The following TAF4 variants were observed in gnomAD, a reference collection of about 807,000 sequenced individuals.
TAF4 encodes TATA-box binding protein associated factor 4, also known as transcription initiation factor TFIID subunit 4.
Under a neutral mutation model 90.3 loss-of-function variants are expected in TAF4, and 9 were observed. The ratio of observed to expected loss-of-function variants is 0.10; its 90% confidence interval spans 0.06 to 0.17. The LOEUF (loss-of-function observed/expected upper bound fraction) is 0.17, where lower values mean the gene tolerates loss of function less well. Ranked by LOEUF, TAF4 falls within the 10% of genes least tolerant of loss-of-function variation. The probability of loss-of-function intolerance (pLI) is 1.00; values close to 1 mark genes in which losing one functional copy is unlikely to be tolerated. For missense variants in TAF4, 1,351 were observed against 1,370.7 expected, an observed-to-expected ratio of 0.99 and a Z score of 0.23; for synonymous variants, 818 against 638.9, an observed-to-expected ratio of 1.28 and a Z score of -4.23.
At chr20:61,992,204 G>A (rs940268572) in intron 14 of TAF4, among the ~76,000 whole-genome samples, 16 of 152,162 alleles carry the variant, frequency 1.1e-4, no homozygotes, top group African/African-American at 2.4e-4. Context: ...AAAACTCAAA[G>A]AGGGCGAAAG....
intron 1 of TAF4, among the ~76,000 whole-genome samples, chr20:62,027,939 C>T (rs540702184): frequency 6.6e-6 from 1 of 152,356 alleles, no homozygotes; most frequent in Non-Finnish European, 1.5e-5. Context: ...CTCACCTCGG[C>T]GGCCTAGGTC....
rs764311182 is a variant in TAF4, at chr20:62,006,802, C to T, written c.1975-44G>A. On this transcript the variant is annotated intron_variant, in intron 6 of 14. Transcript: ENST00000252996. The surrounding 1 kb of genome is among the most constrained non-coding windows in gnomAD (Gnocchi z 7.0). ...ACGAGGGGTCAGGCGGCTGCTCATG[C>T]GTCGGTTTTCCTTGCTTAAAAATTC... 13 of 1,419,132 alleles carry T rather than the reference C, an allele frequency of 9.2e-6. No individual in the cohort carries two copies. Among genetic ancestry groups the T allele is most frequent in the South Asian group, 3.2e-5 (2 of 61,944 alleles). 87.9% of individuals were successfully genotyped at this position (1,419,132 alleles called of 1,614,324 possible). A position where few individuals can be genotyped will look rare whatever the true frequency, so the allele number is the denominator to read the frequency against.
At chr20:62,029,090 G>C (rs536491491) in intron 1 of TAF4, among the ~76,000 whole-genome samples, 1 of 152,116 alleles carries the variant, frequency 6.6e-6, no homozygotes, top group Admixed American at 6.5e-5. Flanking sequence ...CAGCTACTCA[G>C]GAGGCTGAGG....
chr20:62,060,303 C>T (rs2056082637), intron 1 of TAF4, among the ~76,000 whole-genome samples: 1 of 152,250 alleles, frequency 6.6e-6, no homozygotes, highest in South Asian at 2.1e-4. Flanking sequence ...GCAACCGTAA[C>T]GAACTTCAAA....
intron 1 of TAF4, among the ~76,000 whole-genome samples, chr20:62,019,490 A>G (rs2055830397): frequency 6.6e-6 from 1 of 152,178 alleles, no homozygotes; most frequent in Non-Finnish European, 1.5e-5. Flanking sequence ...GTAGGTTTTG[A>G]AACTGAAACA....
At chr20:62,013,906 G>GGGGTGTGT (rs1226544830) in intron 2 of TAF4, among the ~76,000 whole-genome samples, 1 of 107,348 alleles carries the variant, frequency 9.3e-6, no homozygotes, top group East Asian at 3.6e-4. Flanking sequence ...GGCTGACGCG[G>GGGGTGTGT]GTGTGTGTGT....
At chr20:61,995,147 G>C (rs1450862353) in intron 14 of TAF4, among the ~76,000 whole-genome samples, 1 of 152,206 alleles carries the variant, frequency 6.6e-6, no homozygotes, top group Non-Finnish European at 1.5e-5. Context: ...ACAGAGTCCA[G>C]TCTCTTGGCA....
rs28382106 is a variant in TAF4 at position 62,000,025 on chromosome 20, C to A, written c.2787+99G>T. 19,984 of 1,511,948 alleles carry A rather than the reference C, an allele frequency of 0.013. 859 individuals are homozygous for A. In the African/African-American group the frequency reaches 0.14, roughly 11 times the overall value. 93.7% of individuals were successfully genotyped at this position (1,511,948 alleles called of 1,614,324 possible). ...GTAAGGAACATGGAGGCACTTGGGA[C>A]CCACCGCCCTCTGCCTCGGTGTGGG... On this transcript the variant is annotated intron_variant, in intron 11 of 14. Coordinates refer to ENST00000252996, the MANE Select transcript of TAF4 (RefSeq NM_003185.4).
At chr20:62,052,379 C>T (rs1463027325) in intron 1 of TAF4, among the ~76,000 whole-genome samples, 1 of 152,094 alleles carries the variant, frequency 6.6e-6, no homozygotes, top group Non-Finnish European at 1.5e-5. Flanking sequence ...TCCTTTGACC[C>T]CCTCACCACA....
intron 9 of TAF4, among the ~76,000 whole-genome samples, chr20:62,001,344 C>G (rs1482393002): frequency 1.3e-5 from 2 of 152,200 alleles, no homozygotes; most frequent in Admixed American, 1.3e-4. Context: ...TCTTGTCCGG[C>G]TCCTCAAGCT....
intron 1 of TAF4, chr20:62,038,046 T>G (rs1389953192): frequency 6.6e-6 from 1 of 152,322 alleles, no homozygotes; most frequent in Non-Finnish European, 1.5e-5. Flanking sequence ...TTTGGTTTTT[T>G]GAGACGGAGT....
intron 1 of TAF4, among the ~76,000 whole-genome samples, chr20:62,018,632 G>C (rs1051878560): frequency 2.0e-5 from 3 of 152,222 alleles, no homozygotes; most frequent in African/African-American, 4.8e-5. Context: ...TCCCCAGAGA[G>C]AGCCACGTGG....
intron 1 of TAF4, among the ~76,000 whole-genome samples, chr20:62,036,399 A>G (rs1489446167): frequency 2.0e-5 from 3 of 152,218 alleles, no homozygotes; most frequent in Non-Finnish European, 4.4e-5. Context: ...GAGGAATTGA[A>G]AAGTCTGACA....
chr20:62,014,318 G>A (rs953239740), intron 2 of TAF4, among the ~76,000 whole-genome samples: 23 of 152,126 alleles, frequency 1.5e-4, no homozygotes, highest in Non-Finnish European at 2.2e-4. Context: ...AGTGGGCTGC[G>A]GGAGCTGGTG....
In TAF4 at chr20:62,003,716, C is replaced by A. The variant is rs774528704; in HGVS notation, c.2371+15G>T. The A allele has an allele frequency of 6.4e-7, 1 of 1,570,268 alleles. No individual in the cohort carries two copies. Among genetic ancestry groups the A allele is most frequent in the Non-Finnish European group, 8.6e-7 (1 of 1,163,550 alleles). Reference sequence around the variant, plus strand: ...CCCTTGGTGTTGAGCGGCCAGGGGCCCGCGAGGCCCTCACCTGGCTGCAGT... The same window carrying A: ...CCCTTGGTGTTGAGCGGCCAGGGGCACGCGAGGCCCTCACCTGGCTGCAGT... On this transcript the variant is annotated intron_variant, in intron 8 of 14. Coordinates refer to ENST00000252996, the MANE Select transcript of TAF4 (RefSeq NM_003185.4).
At chr20:61,994,874 C>T (rs1007903014) in intron 14 of TAF4, among the ~76,000 whole-genome samples, 2 of 152,164 alleles carry the variant, frequency 1.3e-5, no homozygotes, top group Admixed American at 6.5e-5. Context: ...GCATGGGAGT[C>T]CAGCCTGCCC....
chr20:61,990,573 T>TG (rs757399575), intron 14 of TAF4, among the ~76,000 whole-genome samples: 2 of 152,066 alleles, frequency 1.3e-5, no homozygotes, highest in Non-Finnish European at 2.9e-5. Context: ...GCAGACTTCC[T>TG]GGGAAGAGCA....
intron 1 of TAF4, among the ~76,000 whole-genome samples, chr20:62,026,875 T>C (rs923726141): frequency 3.3e-5 from 5 of 152,140 alleles, no homozygotes; most frequent in African/African-American, 1.2e-4. Context: ...CAACTCAGCA[T>C]CCCCTCATCA....
rs1359261096 is a variant in TAF4, at chr20:62,003,825, C to T, written c.2277G>A (p.Thr759=). The T allele has an allele frequency of 6.2e-6, 10 of 1,604,464 alleles. No homozygotes were observed. The highest frequency in any genetic ancestry group is 1.3e-5 in the African/African-American group (1 of 74,612). The part of the protein sequence containing the change: ...PGALIRPPQV[T]LTQTPMVALR... ...GGGCGACCATGGGTGTCTGCGTCAA[C>T]GTCACCTGCGGGGGCCGGATCAGGG... The change falls in exon 8 of 15, where the codon ACG becomes ACA. Residue 759 remains threonine (T), a synonymous_variant. Coordinates refer to ENST00000252996, the MANE Select transcript of TAF4 (RefSeq NM_003185.4).
Sources: gnomAD v4.1 joint callset for allele counts (sites outside exome capture counted in the v4.1 genomes callset) on GRCh38, gnomAD v4.1.1 for gene constraint, Gnocchi (gnomAD v3.1) non-coding constraint, MANE v1.5 for transcripts, NCBI Gene and HGNC (gene_info 2026-07-23, HGNC 2026-07-21) for gene names.